HDAC4: variants seen among roughly 807,000 people sequenced by gnomAD.
HDAC4 encodes histone deacetylase 4, also known as histone deacetylase A.
A neutral mutation model predicts 135.1 loss-of-function variants in HDAC4; 16 were observed. The ratio of observed to expected loss-of-function variants is 0.12; its 90% confidence interval spans 0.08 to 0.18. The LOEUF (loss-of-function observed/expected upper bound fraction) is 0.18, where lower values mean the gene tolerates loss of function less well. HDAC4 is among the 10% of genes least tolerant of loss of function. The pLI, the probability that HDAC4 is intolerant of heterozygous loss-of-function variation, is 1.00. For synonymous variants in HDAC4, 685 were observed against 653.4 expected, an observed-to-expected ratio of 1.05 and a Z score of -0.74; for missense variants, 1,143 against 1,511.8, an observed-to-expected ratio of 0.76 and a Z score of 4.05.
In HDAC4 at chr2:239,068,620, G is replaced by A. The variant is rs755927767; in HGVS notation, c.2751-13C>T. On this transcript the variant is annotated splice_polypyrimidine_tract_variant and intron_variant, in intron 22 of 26. Transcript: ENST00000543185. This position sits in a 1 kb window ranked among gnomAD's most constrained non-coding sequence, Gnocchi z 4.4. ...CATGACCACCGTTCTGCAAAGGACA[G>A]GAGAAGGCGTTACTGGGTCAGCTGA... 3 of 1,606,620 alleles carry A rather than the reference G, an allele frequency of 1.9e-6. No homozygotes were observed. The African/African-American group carries it at 4.0e-5, about 21-fold the overall frequency.
chr2:239,078,158 C>G (rs900111174), intron 22 of HDAC4, among the ~76,000 whole-genome samples: 1 of 152,198 alleles, frequency 6.6e-6, no homozygotes, highest in Non-Finnish European at 1.5e-5. Flanking sequence ...AGCCCCCACC[C>G]CCAGCGGCTC....
At chr2:239,261,637 C>T (rs187213855) in intron 2 of HDAC4, among the ~76,000 whole-genome samples, 5 of 152,322 alleles carry the variant, frequency 3.3e-5, no homozygotes, top group South Asian at 2.1e-4. Context: ...CCACAACCCA[C>T]GGGCTAGAGA....
At chr2:239,084,382 G>A (rs1021581655) in intron 19 of HDAC4, 140 bp from the exon 20 acceptor site, 1 of 690,878 alleles carries the variant, frequency 1.4e-6, no homozygotes, top group Non-Finnish European at 2.6e-6. Flanking sequence ...ACGTCGCAGG[G>A]AACCCTCAGT....
chr2:239,156,186 A>G (rs968281859), intron 7 of HDAC4, among the ~76,000 whole-genome samples: 1 of 152,170 alleles, frequency 6.6e-6, no homozygotes, highest in Non-Finnish European at 1.5e-5. Flanking sequence ...GGACATAGCG[A>G]ATTTCTTTCT....
chr2:239,057,242 GTT>G lies in HDAC4; in HGVS notation c.3004-2411_3004-2410del, dbSNP rs149082472. ...ATCTCAGACTATCCAAAAATAAAAA[GTT>G]TATTAACTTTTAATAAGTTTTAATT... On this transcript the variant is annotated intron_variant, in intron 24 of 26. Coordinates refer to ENST00000543185, the MANE Select transcript of HDAC4 (RefSeq NM_001378414.1). 3.2e-3 allele frequency among the ~76,000 whole-genome samples: 492 copies of G among 152,232 alleles called. 3 individuals carry two copies. The highest frequency in any genetic ancestry group is 0.012 in the African/African-American group (481 of 41,540).
intron 2 of HDAC4, among the ~76,000 whole-genome samples, chr2:239,264,824 C>T (rs909635408): frequency 2.6e-5 from 4 of 152,200 alleles, no homozygotes; most frequent in East Asian, 1.9e-4. Context: ...GCTGCCCCGT[C>T]GGAGGGTCCT....
intron 1 of HDAC4, among the ~76,000 whole-genome samples, chr2:239,371,261 TCACA>T (rs886404498): frequency 6.6e-6 from 1 of 152,070 alleles, no homozygotes; most frequent in Non-Finnish European, 1.5e-5. Context: ...GACCTCAAAC[TCACA>T]CACTCAATCA....
At chr2:239,391,032 C>T (rs1374815823) in intron 1 of HDAC4, among the ~76,000 whole-genome samples, 1 of 152,226 alleles carries the variant, frequency 6.6e-6, no homozygotes, top group African/African-American at 2.4e-5. Flanking sequence ...GGCACAGTGT[C>T]CATCAGACCG....
intron 1 of HDAC4, among the ~76,000 whole-genome samples, chr2:239,368,054 AC>A (rs1694342945): frequency 6.6e-6 from 1 of 152,186 alleles, no homozygotes; most frequent in African/African-American, 2.4e-5. Context: ...CATTATGTAT[AC>A]GCAAATACTT....
At chr2:239,330,041 C>G in intron 2 of HDAC4, among the ~76,000 whole-genome samples, 1 of 152,348 alleles carries the variant, frequency 6.6e-6, no homozygotes, top group East Asian at 1.9e-4. Flanking sequence ...CCCTGCCCTC[C>G]AAGCCCAAGC....
chr2:239,336,750 C>CCTTG (rs1691965625), intron 2 of HDAC4, among the ~76,000 whole-genome samples: 1 of 152,250 alleles, frequency 6.6e-6, no homozygotes, highest in East Asian at 1.9e-4. Flanking sequence ...TCCTACCTTA[C>CCTTG]TACGGTATGT....
chr2:239,105,687 G>A (rs1434658398), intron 15 of HDAC4, among the ~76,000 whole-genome samples: 1 of 152,214 alleles, frequency 6.6e-6, no homozygotes, highest in Non-Finnish European at 1.5e-5. Context: ...CTGAGGCCCT[G>A]CCCTCGGGCC....
intron 4 of HDAC4, among the ~76,000 whole-genome samples, chr2:239,182,310 C>T (rs1184627507): frequency 6.6e-6 from 1 of 152,214 alleles, no homozygotes; most frequent in Admixed American, 6.5e-5. Context: ...CCCTTGGCTC[C>T]CTCCCTCCCG....
rs10174562 is a variant in HDAC4 at position 239,050,673 on chromosome 2, C to T, written c.*2424G>A. 29,646 of 152,612 alleles carry T rather than the reference C, an allele frequency of 0.19. 3,192 individuals are homozygous for T. The highest frequency in any genetic ancestry group is 0.27 in the African/African-American group (11,232 of 41,492). 9.5% of individuals were successfully genotyped at this position (152,612 alleles called of 1,614,324 possible). On this transcript the variant is annotated 3_prime_UTR_variant, in exon 27 of 27. Transcript: ENST00000543185. ...TCAGAAGCTACCCTGTAAACTTTAC[C>T]AAACTCCGAAACTCGGCTCTGGGTC...
At chr2:239,289,404 T>A (rs187038054) in intron 2 of HDAC4, among the ~76,000 whole-genome samples, 2 of 152,206 alleles carry the variant, frequency 1.3e-5, no homozygotes, top group South Asian at 4.1e-4. Flanking sequence ...TTAAGAACTG[T>A]TTTTGCATAT....
At chr2:239,111,772 G>A in intron 13 of HDAC4, 60 bp from the exon 14 acceptor site, 1 of 1,481,864 alleles carries the variant, frequency 6.7e-7, no homozygotes, top group South Asian at 1.2e-5. Flanking sequence ...TGGGCTGCAG[G>A]GCTAGGGGTT....
chr2:239,366,781 G>T (rs746718485), intron 1 of HDAC4, among the ~76,000 whole-genome samples: 10 of 149,854 alleles, frequency 6.7e-5, no homozygotes, highest in Non-Finnish European at 1.2e-4. Flanking sequence ...CAGGCAGATG[G>T]CTGCAACCCC....
intron 3 of HDAC4, among the ~76,000 whole-genome samples, chr2:239,210,529 C>CA (rs2046307655): frequency 6.6e-6 from 1 of 152,196 alleles, no homozygotes; most frequent in Admixed American, 6.5e-5. Flanking sequence ...TTACTACAAA[C>CA]GTGTACATTT....
intron 3 of HDAC4, among the ~76,000 whole-genome samples, chr2:239,211,905 G>C (rs562548126): frequency 1.3e-5 from 2 of 152,184 alleles, no homozygotes; most frequent in South Asian, 2.1e-4. Flanking sequence ...GAGCTTCCTC[G>C]AGAGCAGTCC....
Sources: gnomAD v4.1 joint callset for allele counts (sites outside exome capture counted in the v4.1 genomes callset) on GRCh38, gnomAD v4.1.1 for gene constraint, Gnocchi (gnomAD v3.1) non-coding constraint, MANE v1.5 for transcripts, NCBI Gene and HGNC (gene_info 2026-07-23, HGNC 2026-07-21) for gene names.